BRINP3: variants seen among roughly 807,000 people sequenced by gnomAD.
BRINP3 encodes BMP/retinoic acid-inducible neural-specific protein 3.
In BRINP3, 19 loss-of-function variants were observed where a neutral mutation model predicts 71.0. The observed-to-expected ratio is 0.27, with a 90% CI of 0.19 to 0.39. BRINP3 has a LOEUF of 0.39. Ranked by LOEUF, BRINP3 falls within the 10% of genes least tolerant of loss-of-function variation. BRINP3 has a pLI of 1.00. For missense variants in BRINP3, 959 were observed against 940.8 expected, an observed-to-expected ratio of 1.02 and a Z score of -0.25; for synonymous variants, 380 against 337.7, an observed-to-expected ratio of 1.13 and a Z score of -1.37.
chr1:190,460,297 T>C (rs1039087096), intron 1 of BRINP3, among the ~76,000 whole-genome samples: 1 of 150,688 alleles, frequency 6.6e-6, no homozygotes, highest in Non-Finnish European at 1.5e-5. Flanking sequence ...AGAATCTGTT[T>C]AAAATCTACA....
chr1:190,242,756 A>C lies in BRINP3; in HGVS notation c.619-8279T>G, dbSNP rs532695982. 3.9e-5 allele frequency among the ~76,000 whole-genome samples: 6 copies of C among 152,256 alleles called. No individual in the cohort carries two copies. In the East Asian group the frequency reaches 1.2e-3, roughly 29 times the overall value. ...GCAAACAATATCATGTATATCCATA[A>C]AGTATATGCAGAATAACTGTGAATT... On this transcript the variant is annotated intron_variant, in intron 4 of 7. Transcript: ENST00000367462.
intron 2 of BRINP3, among the ~76,000 whole-genome samples, chr1:190,430,903 T>C (rs186522877): frequency 8.2e-4 from 125 of 152,274 alleles, no homozygotes; most frequent in African/African-American, 3.0e-3. Flanking sequence ...AAATTAATGG[T>C]GCTGTAAACT....
chr1:190,317,079 G>C (rs758047969), intron 2 of BRINP3, among the ~76,000 whole-genome samples: 24 of 150,616 alleles, frequency 1.6e-4, no homozygotes, highest in Non-Finnish European at 3.4e-4. Flanking sequence ...GGCTGAGATG[G>C]GAGAATCACT....
chr1:190,311,855 A>G (rs1665544049), intron 2 of BRINP3, among the ~76,000 whole-genome samples: 1 of 150,666 alleles, frequency 6.6e-6, no homozygotes, highest in Non-Finnish European at 1.5e-5. Context: ...AAAAGAGTTT[A>G]TAAAGTTTAA....
intron 2 of BRINP3, among the ~76,000 whole-genome samples, chr1:190,387,360 C>A (rs1393736020): frequency 6.6e-6 from 1 of 151,952 alleles, no homozygotes; most frequent in Non-Finnish European, 1.5e-5. Flanking sequence ...ACTAATATGA[C>A]AAGCTAGCAG....
intron 2 of BRINP3, among the ~76,000 whole-genome samples, chr1:190,340,226 T>C (rs1667565164): frequency 2.6e-5 from 4 of 151,824 alleles, no homozygotes; most frequent in Non-Finnish European, 1.5e-5. Context: ...AGCAAACAGG[T>C]AGTGGTTTTA....
chr1:190,397,820 T>C (rs1671677615), intron 2 of BRINP3, among the ~76,000 whole-genome samples: 1 of 151,944 alleles, frequency 6.6e-6, no homozygotes, highest in Admixed American at 6.6e-5. Flanking sequence ...TCAAAAATCA[T>C]AAAGAATTTT....
intron 4 of BRINP3, among the ~76,000 whole-genome samples, chr1:190,237,089 T>C (rs533495942): frequency 6.6e-6 from 1 of 152,056 alleles, no homozygotes; most frequent in East Asian, 1.9e-4. Context: ...GAAAATTAAA[T>C]AATAGACATA....
intron 2 of BRINP3, among the ~76,000 whole-genome samples, chr1:190,316,005 G>A (rs1726565): frequency 0.4 from 60,292 of 150,338 alleles, 13,017 homozygotes; most frequent in Non-Finnish European, 0.49. Flanking sequence ...ATCAAAACTC[G>A]TTATGGTTGA....
At chr1:190,213,951 G>A (rs192309831) in intron 6 of BRINP3, among the ~76,000 whole-genome samples, 24 of 152,102 alleles carry the variant, frequency 1.6e-4, no homozygotes, top group Admixed American at 1.4e-3. Context: ...CAGTGTTTGG[G>A]CAGAAAGCAA....
intron 2 of BRINP3, among the ~76,000 whole-genome samples, chr1:190,374,008 G>C (rs1646925291): frequency 6.6e-6 from 1 of 151,372 alleles, no homozygotes; most frequent in Admixed American, 6.6e-5. Flanking sequence ...CCTAAAGTGG[G>C]TACACTTAGG....
intron 2 of BRINP3, among the ~76,000 whole-genome samples, chr1:190,444,149 T>G (rs1675032252): frequency 7.0e-6 from 1 of 143,850 alleles, no homozygotes; most frequent in Non-Finnish European, 1.5e-5. Flanking sequence ...AGGAGAATAG[T>G]TTGAACCCAG....
intron 7 of BRINP3, among the ~76,000 whole-genome samples, chr1:190,136,112 T>TA (rs1220177152): frequency 2.6e-5 from 4 of 152,030 alleles, no homozygotes; most frequent in Admixed American, 6.6e-5. Flanking sequence ...TTGTTAAAGA[T>TA]AAAAAAATAT....
chr1:190,135,335 G>C (rs1378718626), intron 7 of BRINP3, among the ~76,000 whole-genome samples: 1 of 152,028 alleles, frequency 6.6e-6, no homozygotes, highest in Non-Finnish European at 1.5e-5. Flanking sequence ...TTTCAGTTAT[G>C]CTTGGGGATT....
At chr1:190,120,234 TTC>T (rs1653525368) in intron 7 of BRINP3, among the ~76,000 whole-genome samples, 1 of 152,192 alleles carries the variant, frequency 6.6e-6, no homozygotes, top group African/African-American at 2.4e-5. Flanking sequence ...GCACTAATTT[TTC>T]TCTGTTACAA....
chr1:190,252,339 T>A (rs1660223969), intron 4 of BRINP3, among the ~76,000 whole-genome samples: 1 of 152,074 alleles, frequency 6.6e-6, no homozygotes, highest in South Asian at 2.1e-4. Context: ...ATATACAGAA[T>A]TATTATAAAA....
chr1:190,349,572 T>C (rs1197140514), intron 2 of BRINP3, among the ~76,000 whole-genome samples: 1 of 152,078 alleles, frequency 6.6e-6, no homozygotes, highest in Non-Finnish European at 1.5e-5. Flanking sequence ...TAGAAGCTAA[T>C]GTCTTTTTCT....
intron 2 of BRINP3, among the ~76,000 whole-genome samples, chr1:190,377,911 T>C (rs1341884744): frequency 2.6e-5 from 4 of 152,142 alleles, no homozygotes; most frequent in Admixed American, 2.6e-4. Flanking sequence ...TCCATATTCA[T>C]TGATTGGAAG....
At chr1:190,466,982 CA>C (rs1400245601) in intron 1 of BRINP3, among the ~76,000 whole-genome samples, 3 of 151,532 alleles carry the variant, frequency 2.0e-5, no homozygotes, top group Non-Finnish European at 4.4e-5. Flanking sequence ...CAACAACACA[CA>C]AAATGCCACT....
Sources: allele counts gnomAD v4.1 joint callset (sites outside exome capture counted in the v4.1 genomes callset), GRCh38; gene constraint gnomAD v4.1.1; transcripts MANE v1.5; gene names NCBI Gene and HGNC (gene_info 2026-07-23, HGNC 2026-07-21).